The following TAF1B variants were observed in gnomAD, a reference collection of about 807,000 sequenced individuals.
TAF1B encodes TATA-box binding protein associated factor, RNA polymerase I subunit B.
In TAF1B, 61 loss-of-function variants were observed where a neutral mutation model predicts 83.9. The ratio of observed to expected loss-of-function variants is 0.73; its 90% CI spans 0.59 to 0.90. The LOEUF is 0.90. TAF1B is among the 40% of genes least tolerant of loss of function. The pLI is 0.00. For missense variants in TAF1B, 625 were observed against 677.0 expected (o/e 0.92, Z 0.85); for synonymous variants, 221 against 224.6 (o/e 0.98, Z 0.14).
Position 9,934,157 on chromosome 2 carries a change from G to A in TAF1B, c.*173G>A. ...GAAAAATGTATATTGTAAAGCAGGT[G>A]AGCTTCATTTGATTTTATTTTTCAG... On this transcript the variant is annotated 3_prime_UTR_variant, in exon 15 of 15. Coordinates refer to ENST00000263663, the MANE Select transcript of TAF1B (RefSeq NM_005680.3). 3.7e-6 allele frequency: 2 copies of A among 547,486 alleles called. No homozygotes were observed. The highest frequency in any genetic ancestry group is 6.3e-6 in the Non-Finnish European group (2 of 317,630). 33.9% of individuals were successfully genotyped at this position (547,486 alleles called of 1,614,324 possible). A position where few individuals can be genotyped will look rare whatever the true frequency, so the allele number is the denominator to read the frequency against.
At chr2:9,864,405 TGAATA>T (rs1292511018) in intron 5 of TAF1B, among the ~76,000 whole-genome samples, 4 of 152,172 alleles carry the variant, frequency 2.6e-5, no homozygotes, top group Non-Finnish European at 5.9e-5. Context: ...GTTGAATCTC[TGAATA>T]GACCAATAAG....
intron 14 of TAF1B, among the ~76,000 whole-genome samples, chr2:9,921,301 AG>A (rs1313447184): frequency 6.6e-6 from 1 of 152,118 alleles, no homozygotes; most frequent in Non-Finnish European, 1.5e-5. Flanking sequence ...TATGCTGCCC[AG>A]GTTGGTCTCA....
chr2:9,907,013 G>A (rs1318843120), intron 9 of TAF1B, among the ~76,000 whole-genome samples: 1 of 152,052 alleles, frequency 6.6e-6, no homozygotes, highest in Non-Finnish European at 1.5e-5. Flanking sequence ...GAGTAGCTGA[G>A]ACTGCAGGCA....
At chr2:9,907,442 T>C (rs1042960383) in intron 9 of TAF1B, among the ~76,000 whole-genome samples, 2 of 152,018 alleles carry the variant, frequency 1.3e-5, no homozygotes, top group Non-Finnish European at 2.9e-5. Flanking sequence ...GGGTTTAGGG[T>C]TCCCAGAAAG....
At chr2:9,865,238 A>G (rs1332148814) in intron 5 of TAF1B, among the ~76,000 whole-genome samples, 2 of 152,198 alleles carry the variant, frequency 1.3e-5, no homozygotes, top group Non-Finnish European at 2.9e-5. Context: ...CAACTTCAGC[A>G]AAGTCTCAGG....
chr2:9,910,382 G>T (rs1462223793), intron 9 of TAF1B, among the ~76,000 whole-genome samples: 5 of 152,146 alleles, frequency 3.3e-5, no homozygotes, highest in Admixed American at 3.3e-4. Flanking sequence ...CACATACATT[G>T]CTAGAGAAGC....
chr2:9,889,547 G>A (rs1255179272), intron 8 of TAF1B, among the ~76,000 whole-genome samples: 3 of 151,842 alleles, frequency 2.0e-5, no homozygotes, highest in African/African-American at 4.8e-5. Flanking sequence ...ACCCTTGTCT[G>A]CCAATTCCAT....
chr2:9,848,620 C>T lies in TAF1B; in HGVS notation c.118-753C>T, dbSNP rs550219319. 3.4e-4 allele frequency among the ~76,000 whole-genome samples: 52 copies of T among 151,802 alleles called. No homozygotes were observed. The South Asian group carries it at 5.6e-3, about 16-fold the overall frequency. On this transcript the variant is annotated intron_variant, in intron 2 of 14. Transcript: ENST00000263663. ...GGCAAAGGTTGAAGTGAGCAGAGAT[C>T]GCACCATTGCACTCCAGCCTGGGCG...
At chr2:9,855,034 G>T (rs1460595524) in intron 5 of TAF1B, among the ~76,000 whole-genome samples, 3 of 151,902 alleles carry the variant, frequency 2.0e-5, no homozygotes, top group Admixed American at 2.0e-4. Context: ...CACTCTTGTT[G>T]CCCAGGCTGG....
Position 9,883,862 on chromosome 2 carries a change from C to T in TAF1B, c.807+1057C>T, listed in dbSNP as rs60796776. On this transcript the variant is annotated intron_variant, in intron 8 of 14. Coordinates refer to ENST00000263663, the MANE Select transcript of TAF1B (RefSeq NM_005680.3). ...TGTAGTTATGCTATAATATCAAAGG[C>T]AATAGGAAGGATGTCATATTGTTGC... Among the ~76,000 whole-genome samples, 1,238 of 152,324 alleles carry T rather than the reference C, an allele frequency of 8.1e-3. 10 individuals carry two copies. Among genetic ancestry groups the T allele is most frequent in the African/African-American group, 0.028 (1,179 of 41,568 alleles).
intron 10 of TAF1B, 39 bp from the exon 11 acceptor site, chr2:9,911,472 G>T: frequency 1.4e-6 from 2 of 1,420,806 alleles, no homozygotes; most frequent in Admixed American, 2.4e-5. Flanking sequence ...CCAAATACAT[G>T]ACTTCTAAAT....
intron 14 of TAF1B, among the ~76,000 whole-genome samples, chr2:9,928,946 A>G (rs1312485296): frequency 2.6e-5 from 4 of 152,308 alleles, no homozygotes; most frequent in African/African-American, 9.6e-5. Flanking sequence ...CCAGTTTTCA[A>G]AGGGAATGCT....
intron 1 of TAF1B, among the ~76,000 whole-genome samples, chr2:9,844,789 AG>A (rs1227605212): frequency 4.6e-5 from 7 of 152,180 alleles, no homozygotes; most frequent in Non-Finnish European, 1.0e-4. Context: ...TATGCTGCCG[AG>A]TGAATAAATC....
chr2:9,862,555 C>A lies in TAF1B; in HGVS notation c.400-5721C>A, dbSNP rs142089554. On this transcript the variant is annotated intron_variant, in intron 5 of 14. Coordinates refer to ENST00000263663, the MANE Select transcript of TAF1B (RefSeq NM_005680.3). ...ATCCAGGAGAACTTCCCCAATCTAG[C>A]AAGGCAGGCCAACATTCAAATTCAG... is the stretch of plus-strand genomic sequence containing the variant. Among the ~76,000 whole-genome samples, 970 of 152,304 alleles carry A rather than the reference C, an allele frequency of 6.4e-3. 6 individuals carry two copies. Among genetic ancestry groups the A allele is most frequent in the Non-Finnish European group, 0.011 (733 of 68,022 alleles).
intron 9 of TAF1B, among the ~76,000 whole-genome samples, chr2:9,907,794 G>A (rs1665391743): frequency 1.3e-5 from 2 of 152,110 alleles, no homozygotes; most frequent in Non-Finnish European, 1.5e-5. Context: ...GGGAGGGCAA[G>A]CAGGCTTCCC....
At chr2:9,905,107 A>C in intron 9 of TAF1B, 101 bp downstream of exon 9, 1 of 1,046,484 alleles carries the variant, frequency 9.6e-7, no homozygotes, top group Non-Finnish European at 1.4e-6. Context: ...AACCACCTGA[A>C]AAGGTCCATG....
intron 8 of TAF1B, among the ~76,000 whole-genome samples, chr2:9,890,757 T>A (rs1664844748): frequency 1.3e-5 from 2 of 152,132 alleles, no homozygotes; most frequent in African/African-American, 4.8e-5. Flanking sequence ...GTGAGACATT[T>A]GAAATTTACT....
chr2:9,861,258 G>A lies in TAF1B; in HGVS notation c.399+6837G>A, dbSNP rs147835590. Among the ~76,000 whole-genome samples the A allele has an allele frequency of 6.7e-3, 1,028 of 152,360 alleles. 11 individuals are homozygous for A. Among genetic ancestry groups the A allele is most frequent in the African/African-American group, 0.024 (991 of 41,592 alleles). On this transcript the variant is annotated intron_variant, in intron 5 of 14. Coordinates refer to ENST00000263663, the MANE Select transcript of TAF1B (RefSeq NM_005680.3). ...CAGGTCGCTCCCACCCTAATACTGC[G>A]CTTTTCGAACGGGCTTAACAAACGG...
At position 9,849,522 on chromosome 2, in the gene TAF1B, C is replaced by T. The variant is rs1315972115; in HGVS notation, c.205+62C>T. On this transcript the variant is annotated intron_variant, in intron 3 of 14. Coordinates refer to ENST00000263663, the MANE Select transcript of TAF1B (RefSeq NM_005680.3). ...TTCACATCTTTCACCTTCATGATGT[C>T]AGGACATGGAATGGAATTTTAAGTA... 3.2e-6 allele frequency: 4 copies of T among 1,246,002 alleles called. No individual in the cohort carries two copies. In the African/African-American group the frequency reaches 6.2e-5, roughly 19 times the overall value. 77.2% of individuals were successfully genotyped at this position (1,246,002 alleles called of 1,614,324 possible). A position where few individuals can be genotyped will look rare whatever the true frequency, so the allele number is the denominator to read the frequency against.
Sources: allele counts gnomAD v4.1 joint callset (sites outside exome capture counted in the v4.1 genomes callset), GRCh38; gene constraint gnomAD v4.1.1; transcripts MANE v1.5; gene names NCBI Gene and HGNC (gene_info 2026-07-23, HGNC 2026-07-21).